ADGRG7: variants seen among roughly 807,000 people sequenced by gnomAD.
ADGRG7 encodes the protein G-protein coupled receptor 128.
ADGRG7 carries 82 observed loss-of-function variants against 88.6 expected under a neutral mutation model. The observed-to-expected ratio is 0.93, with a 90% confidence interval of 0.77 to 1.11. The LOEUF (loss-of-function observed/expected upper bound fraction) is 1.11, where lower values mean the gene tolerates loss of function less well. ADGRG7 is among the 50% of genes most tolerant of loss of function. The probability of loss-of-function intolerance (pLI) is 0.00; values close to 1 mark genes in which losing one functional copy is unlikely to be tolerated. For missense variants in ADGRG7, 945 were observed against 953.4 expected, an observed-to-expected ratio of 0.99 and a Z score of 0.12; for synonymous variants, 381 against 345.2, an observed-to-expected ratio of 1.10 and a Z score of -1.15.
chr3:100,643,672 C>G (rs770006811), intron 8 of ADGRG7, 39 bp downstream of exon 8: 1 of 1,323,984 alleles, frequency 7.6e-7, no homozygotes, highest in Non-Finnish European at 1.1e-6. Flanking sequence ...AAAATGGACT[C>G]GAATTCATGG....
chr3:100,691,281 G>T (rs2094993303), intron 15 of ADGRG7, among the ~76,000 whole-genome samples: 1 of 152,182 alleles, frequency 6.6e-6, no homozygotes, highest in Non-Finnish European at 1.5e-5. Context: ...CTTTGACTAG[G>T]AAAGGGAATT....
rs369645034 is a variant in ADGRG7 at position 100,643,276 on chromosome 3, C to A, written c.709C>A (p.Gln237Lys). 2.2e-5 allele frequency: 36 copies of A among 1,612,702 alleles called. No homozygotes were observed. The highest frequency in any genetic ancestry group is 2.3e-5 in the Non-Finnish European group (27 of 1,179,528). Residue 237 changes from glutamine (Q) to lysine (K), a missense_variant, in exon 7 of 16, where the codon CAA becomes AAA. By Grantham distance (53) the Gln-to-Lys change is moderately conservative. Transcript: ENST00000273352. ...NDDALTTLIE[Q>K]METYSLSLGN... is the part of the protein sequence containing the mutation. ...TTTTATTATATGCAGGCTTATTGAG[C>A]AAATGGAGACTTATTCCTTGTCTTT...
chr3:100,622,934 T>G (rs528710144), intron 1 of ADGRG7, among the ~76,000 whole-genome samples: 81 of 151,370 alleles, frequency 5.4e-4, no homozygotes, highest in African/African-American at 1.5e-3. Context: ...TTTTGTTTTT[T>G]TTTTTTGGTA....
chr3:100,655,291 G>A, intron 12 of ADGRG7, 110 bp downstream of exon 12: 1 of 735,600 alleles, frequency 1.4e-6, no homozygotes. Flanking sequence ...ATTAAGAGGA[G>A]ATAGAAAATA....
chr3:100,655,256 C>T, intron 12 of ADGRG7, 75 bp downstream of exon 12: 1 of 1,048,020 alleles, frequency 9.5e-7, no homozygotes, highest in South Asian at 1.5e-5. Context: ...TTATTGAAGG[C>T]CTAATAGTCC....
chr3:100,646,180 GA>G, intron 9 of ADGRG7, 72 bp downstream of exon 9: 1 of 848,116 alleles, frequency 1.2e-6, no homozygotes, highest in Non-Finnish European at 1.7e-6. Flanking sequence ...AGCTGAGACT[GA>G]GTAGAGTAAT....
rs182658753 is a variant in ADGRG7, at chr3:100,624,985, G to A, written c.116-4613G>A. Among the ~76,000 whole-genome samples the A allele has an allele frequency of 3.9e-4, 60 of 152,224 alleles. 1 individual carries two copies. The highest frequency in any genetic ancestry group is 1.4e-3 in the African/African-American group (58 of 41,552). Reference sequence around the variant, plus strand: ...CAGGTAGCATGATGCCTCCAGCTTTGTTCTTTTTGCTTAGGATTGTCTTGG... The same window carrying A: ...CAGGTAGCATGATGCCTCCAGCTTTATTCTTTTTGCTTAGGATTGTCTTGG... On this transcript the variant is annotated intron_variant, in intron 1 of 15. Transcript: ENST00000273352.
intron 13 of ADGRG7, among the ~76,000 whole-genome samples, chr3:100,658,112 C>T (rs756685087): frequency 1.3e-5 from 2 of 152,292 alleles, no homozygotes; most frequent in East Asian, 1.9e-4. Flanking sequence ...CTCATCTCAT[C>T]GTCTTCCCCA....
intron 9 of ADGRG7, 135 bp from the exon 10 acceptor site, chr3:100,646,434 T>C (rs1188882065): frequency 1.8e-5 from 13 of 720,602 alleles, no homozygotes; most frequent in Non-Finnish European, 2.9e-5. Flanking sequence ...TTCCCTCTCC[T>C]TAATCATAAT....
chr3:100,644,508 C>A (rs999027902), intron 8 of ADGRG7, among the ~76,000 whole-genome samples: 6 of 151,846 alleles, frequency 4.0e-5, no homozygotes, highest in African/African-American at 1.5e-4. Context: ...GCCAGGTAAA[C>A]AAATATCAAT....
intron 15 of ADGRG7, among the ~76,000 whole-genome samples, chr3:100,680,395 G>A (rs143140118): frequency 7.7e-4 from 117 of 152,100 alleles, no homozygotes; most frequent in African/African-American, 1.8e-3. Context: ...CAAGTCTTAC[G>A]TTTTTATCCA....
intron 15 of ADGRG7, among the ~76,000 whole-genome samples, chr3:100,677,813 T>C (rs2094967654): frequency 6.6e-6 from 1 of 152,170 alleles, no homozygotes; most frequent in Non-Finnish European, 1.5e-5. Flanking sequence ...CTCTGTTGTA[T>C]ATTATTTGTT....
At chr3:100,649,986 T>A (rs550867564) in intron 11 of ADGRG7, among the ~76,000 whole-genome samples, 179 bp downstream of exon 11, 2 of 152,336 alleles carry the variant, frequency 1.3e-5, no homozygotes, top group African/African-American at 4.8e-5. Flanking sequence ...AATACGTAAT[T>A]ACAAATTGTG....
chr3:100,625,095 G>C (rs1327512009), intron 1 of ADGRG7, among the ~76,000 whole-genome samples: 1 of 152,128 alleles, frequency 6.6e-6, no homozygotes, highest in Non-Finnish European at 1.5e-5. Context: ...AGTTTGATGC[G>C]AATAGAATTG....
intron 15 of ADGRG7, among the ~76,000 whole-genome samples, chr3:100,670,073 T>C (rs2094956533): frequency 6.6e-6 from 1 of 152,066 alleles, no homozygotes; most frequent in African/African-American, 2.4e-5. Context: ...ATAATCACCC[T>C]GTTGTGCTGT....
intron 15 of ADGRG7, among the ~76,000 whole-genome samples, chr3:100,687,456 G>A (rs1252299314): frequency 6.6e-6 from 1 of 152,128 alleles, no homozygotes; most frequent in Non-Finnish European, 1.5e-5. Context: ...TCTTGTGCCA[G>A]TTTTCAAAGG....
intron 13 of ADGRG7, among the ~76,000 whole-genome samples, chr3:100,656,687 C>T (rs1017247303): frequency 5.9e-5 from 9 of 152,130 alleles, no homozygotes; most frequent in Non-Finnish European, 1.3e-4. Context: ...ATAAATCTAA[C>T]TATTCATATC....
At chr3:100,616,816 G>C (rs1253694626) in intron 1 of ADGRG7, among the ~76,000 whole-genome samples, 1 of 152,080 alleles carries the variant, frequency 6.6e-6, no homozygotes, top group East Asian at 1.9e-4. Flanking sequence ...GGGAGATCCT[G>C]TCTCTACAAA....
rs2094935447 is a variant in ADGRG7 at position 100,654,946 on chromosome 3, G to A, written c.1491G>A (p.Gln497=). 1.9e-6 allele frequency: 3 copies of A among 1,613,812 alleles called. No homozygotes were observed. The highest frequency in any genetic ancestry group is 2.5e-6 in the Non-Finnish European group (3 of 1,179,822). ...FGIENSNKNL[Q]TSDGDINNID... ...TTGAAAACTCCAATAAGAACTTGCA[G>A]ACAAGTGATGGTGACATCAATAATA... The change falls in exon 12 of 16, where the codon CAG becomes CAA. Residue 497 remains glutamine (Q), a synonymous_variant. Coordinates refer to ENST00000273352, the MANE Select transcript of ADGRG7 (RefSeq NM_032787.3).
Sources: allele counts gnomAD v4.1 joint callset (sites outside exome capture counted in the v4.1 genomes callset), GRCh38; gene constraint gnomAD v4.1.1; transcripts MANE v1.5; gene names NCBI Gene and HGNC (gene_info 2026-07-23, HGNC 2026-07-21).